The following KIF26B variants were observed in gnomAD, a reference collection of about 807,000 sequenced individuals.
The protein encoded by KIF26B is kinesin family member 26B, also known as kinesin-like protein KIF26B.
A neutral mutation model predicts 151.2 loss-of-function variants in KIF26B; 63 were observed. The observed-to-expected ratio is 0.42, with a 90% CI of 0.34 to 0.51. KIF26B has a LOEUF of 0.51. KIF26B is among the 20% of genes least tolerant of loss of function. The pLI is 0.07. For synonymous variants in KIF26B, 1,357 were observed against 1,262.1 expected, an observed-to-expected ratio of 1.08 and a Z score of -1.59; for missense variants, 2,813 against 2,913.6, an observed-to-expected ratio of 0.97 and a Z score of 0.79.
rs1660478504 is a variant in KIF26B, at chr1:245,494,787, C to T, written c.1167-45980C>T. 4.6e-5 allele frequency among the ~76,000 whole-genome samples: 7 copies of T among 152,168 alleles called. No homozygotes were observed. The South Asian group carries it at 1.5e-3, about 32-fold the overall frequency. On this transcript the variant is annotated intron_variant, in intron 4 of 14. Transcript: ENST00000407071. ...GCGTGGTGGCTCACACCTGTGTAATCACAGCATTTTGGGAGGCTGAGTTGG... is the reference window on the plus strand; with the variant it reads ...GCGTGGTGGCTCACACCTGTGTAATTACAGCATTTTGGGAGGCTGAGTTGG...
chr1:245,615,040 T>A (rs899149596), intron 9 of KIF26B: 1 of 151,908 alleles, frequency 6.6e-6, no homozygotes. Flanking sequence ...GACAGCACAA[T>A]TGCATCCACA....
At chr1:245,397,050 C>T (rs766557481) in intron 3 of KIF26B, among the ~76,000 whole-genome samples, 12 of 151,944 alleles carry the variant, frequency 7.9e-5, no homozygotes, top group East Asian at 1.9e-4. Flanking sequence ...CCTCTACCAC[C>T]CTAGGCTCAA....
At chr1:245,555,006 C>T (rs1661985136) in intron 5 of KIF26B, among the ~76,000 whole-genome samples, 1 of 152,182 alleles carries the variant, frequency 6.6e-6, no homozygotes, top group African/African-American at 2.4e-5. Flanking sequence ...TATAGAAAGT[C>T]GTCTGCCCTT....
intron 4 of KIF26B, among the ~76,000 whole-genome samples, chr1:245,484,003 T>G (rs965962625): frequency 6.6e-6 from 1 of 151,962 alleles, no homozygotes; most frequent in African/African-American, 2.4e-5. Context: ...TCCACATTTA[T>G]GTTTTTCCTC....
intron 9 of KIF26B, among the ~76,000 whole-genome samples, chr1:245,624,066 C>A (rs916455109): frequency 5.9e-5 from 9 of 152,172 alleles, no homozygotes; most frequent in South Asian, 4.1e-4. Context: ...TACTCTCCCC[C>A]CTGCTCACTC....
intron 2 of KIF26B, among the ~76,000 whole-genome samples, chr1:245,317,391 C>G (rs1036266798): frequency 2.2e-4 from 33 of 152,178 alleles, no homozygotes; most frequent in African/African-American, 8.0e-4. Context: ...GTTGATTGAT[C>G]TGTTTATTCT....
intron 4 of KIF26B, among the ~76,000 whole-genome samples, chr1:245,513,084 A>G (rs943507483): frequency 3.9e-5 from 6 of 152,114 alleles, no homozygotes; most frequent in Admixed American, 3.9e-4. Flanking sequence ...AGAAAAGGCA[A>G]AAAGAAACCA....
At chr1:245,617,240 G>T (rs1283933695) in intron 9 of KIF26B, among the ~76,000 whole-genome samples, 1 of 152,176 alleles carries the variant, frequency 6.6e-6, no homozygotes, top group Non-Finnish European at 1.5e-5. Flanking sequence ...GAGATGACAG[G>T]CGTCCACCAC....
intron 5 of KIF26B, among the ~76,000 whole-genome samples, chr1:245,543,487 C>T (rs1258229206): frequency 2.0e-5 from 1 of 49,626 alleles, no homozygotes; most frequent in African/African-American, 6.2e-5. Context: ...TGTCGAGGAG[C>T]GGGGCATCGG....
chr1:245,171,310 A>G (rs567976012), intron 2 of KIF26B, among the ~76,000 whole-genome samples: 4 of 152,308 alleles, frequency 2.6e-5, no homozygotes, highest in South Asian at 4.1e-4. Context: ...TTGGGAGGCC[A>G]AGGCGGGCGG....
In KIF26B at chr1:245,574,917, G is replaced by A. The variant is rs376576782; in HGVS notation, c.1351-27660G>A. 7.1e-5 allele frequency among the ~76,000 whole-genome samples: 10 copies of A among 140,616 alleles called. No homozygotes were observed. The South Asian group carries it at 8.9e-4, about 12-fold the overall frequency. 92.2% of individuals were successfully genotyped at this position (140,616 alleles called of 152,430 possible). A position where few individuals can be genotyped will look rare whatever the true frequency, so the allele number is the denominator to read the frequency against. ...CTTGCTCTGTTGCCCAGGCTGGAGC[G>A]CCAGTGGCGCGATCTCGGCTCACTG... is the stretch of plus-strand genomic sequence containing the variant. On this transcript the variant is annotated intron_variant, in intron 5 of 14. Transcript: ENST00000407071.
chr1:245,362,321 G>A (rs1672840115), intron 2 of KIF26B, among the ~76,000 whole-genome samples: 1 of 137,504 alleles, frequency 7.3e-6, no homozygotes, highest in Admixed American at 7.9e-5. Context: ...GAGGTCAAGA[G>A]ATCAAGACCA....
chr1:245,685,441 G>A lies in KIF26B; in HGVS notation c.2458G>A (p.Glu820Lys), dbSNP rs923439662. 1.9e-6 allele frequency: 3 copies of A among 1,613,254 alleles called. No homozygotes were observed. Among genetic ancestry groups the A allele is most frequent in the Non-Finnish European group, 2.5e-6 (3 of 1,179,596 alleles). ...CTCGTCCGGCGGGGAGAGCTCCTGC[G>A]AAGAAGGCCGCATGCGCAGGCCCAC... ...SSSSGGESSC[E>K]EGRMRRPTQL... Residue 820 changes from glutamate to lysine, a missense_variant, in exon 12 of 15, where the codon GAA becomes AAA. Physicochemically the swap from Glu to Lys is moderately conservative, Grantham distance 56. This residue lies in a region of KIF26B where 2,060 missense variants were observed against 2,088.6 expected (regional missense o/e 0.99). Transcript: ENST00000407071.
intron 2 of KIF26B, among the ~76,000 whole-genome samples, chr1:245,258,188 A>G (rs1455319017): frequency 6.6e-6 from 1 of 152,156 alleles, no homozygotes; most frequent in Non-Finnish European, 1.5e-5. Flanking sequence ...CCTCCTCGTC[A>G]CCACCTACGG....
At chr1:245,523,167 G>C (rs145688214) in intron 4 of KIF26B, among the ~76,000 whole-genome samples, 6 of 152,268 alleles carry the variant, frequency 3.9e-5, no homozygotes, top group Non-Finnish European at 7.4e-5. Flanking sequence ...CACACAGTTG[G>C]CTTCGCATCC....
At chr1:245,230,305 C>A (rs1162947421) in intron 2 of KIF26B, among the ~76,000 whole-genome samples, 1 of 152,176 alleles carries the variant, frequency 6.6e-6, no homozygotes, top group Non-Finnish European at 1.5e-5. Flanking sequence ...AGATACTGCA[C>A]TTGAACAACT....
chr1:245,473,113 G>A (rs983240346), intron 4 of KIF26B, among the ~76,000 whole-genome samples: 1 of 152,214 alleles, frequency 6.6e-6, no homozygotes, highest in African/African-American at 2.4e-5. Flanking sequence ...AATCAATACA[G>A]TCAAGACCTG....
intron 3 of KIF26B, among the ~76,000 whole-genome samples, chr1:245,396,788 A>G (rs1407392505): frequency 1.3e-5 from 2 of 152,222 alleles, no homozygotes; most frequent in Non-Finnish European, 2.9e-5. Flanking sequence ...TCCTTGACAC[A>G]GGGACTAACC....
rs376565844 is a variant in KIF26B, at chr1:245,640,122, G to GCTCTCTCTCT, written c.2099-5986_2099-5977dup. 2.9e-3 allele frequency among the ~76,000 whole-genome samples: 157 copies of GCTCTCTCTCT among 53,946 alleles called. 11 individuals carry two copies. Among genetic ancestry groups the GCTCTCTCTCT allele is most frequent in the African/African-American group, 7.4e-3 (99 of 13,304 alleles). The allele number at this position is 53,946 out of a possible 152,430, so 35.4% of individuals were successfully genotyped here. On this transcript the variant is annotated intron_variant, in intron 9 of 14. Transcript: ENST00000407071. ...CTCCTGTTTAGATCTACTAATATTT[G>GCTCTCTCTCT]CTCTCTCTCTCTCTCTCTCTCTATA... is the stretch of plus-strand genomic sequence containing the variant.
Sources: allele counts gnomAD v4.1 joint callset (sites outside exome capture counted in the v4.1 genomes callset), GRCh38; gene constraint gnomAD v4.1.1; regional missense constraint gnomAD v4.1.1; transcripts MANE v1.5; gene names NCBI Gene and HGNC (gene_info 2026-07-23, HGNC 2026-07-21).